GAS7: variants seen among roughly 807,000 people sequenced by gnomAD.
GAS7 encodes the protein growth arrest-specific protein 7.
GAS7 carries 28 observed loss-of-function variants against 71.1 expected under a neutral mutation model. The observed-to-expected ratio is 0.39, with a 90% CI of 0.29 to 0.54. The LOEUF (loss-of-function observed/expected upper bound fraction) is 0.54. Among genes scored for constraint, GAS7 ranks in the 20% least tolerant of loss-of-function variants. The pLI is 0.62. For missense variants in GAS7, 436 were observed against 627.8 expected (o/e 0.69, Z 3.27); for synonymous variants, 258 against 245.8 (o/e 1.05, Z -0.46).
At chr17:10,038,055 T>TAA (rs201343182) in intron 1 of GAS7, among the ~76,000 whole-genome samples, 61 of 144,834 alleles carry the variant, frequency 4.2e-4, no homozygotes, top group African/African-American at 1.5e-3. Flanking sequence ...GACAGGTTCT[T>TAA]AAAAAAAAAA....
rs1339912414 is a variant in GAS7 at position 9,959,310 on chromosome 17, T to A, written c.472-55A>T. Reference sequence around the variant, plus strand: ...AGCTGTTCTCCATATTGGACATTTTTTCCCCCCATTCAGGTTCCCTGAGGG... The same window carrying A: ...AGCTGTTCTCCATATTGGACATTTTATCCCCCCATTCAGGTTCCCTGAGGG... On this transcript the variant is annotated intron_variant, in intron 4 of 13. Coordinates refer to ENST00000432992, the MANE Select transcript of GAS7 (RefSeq NM_201433.2). This position sits in a 1 kb window ranked among gnomAD's most constrained non-coding sequence, Gnocchi z 5.0. 6.2e-7 allele frequency: 1 copy of A among 1,612,460 alleles called. No homozygotes were observed. Among genetic ancestry groups the A allele is most frequent in the Admixed American group, 1.7e-5 (1 of 59,830 alleles).
chr17:10,028,739 G>A (rs566522075), intron 1 of GAS7, among the ~76,000 whole-genome samples: 28 of 151,936 alleles, frequency 1.8e-4, no homozygotes, highest in African/African-American at 6.5e-4. Flanking sequence ...AAAATTATAG[G>A]GAAGTTTGAA....
chr17:10,195,282 T>A (rs987022503), intron 1 of GAS7, among the ~76,000 whole-genome samples: 3 of 152,152 alleles, frequency 2.0e-5, no homozygotes, highest in African/African-American at 7.2e-5. Context: ...CTCTTGGAGT[T>A]AGCTCCCAAC....
chr17:10,152,961 G>T (rs1251951686), intron 1 of GAS7, among the ~76,000 whole-genome samples: 1 of 151,404 alleles, frequency 6.6e-6, no homozygotes, highest in African/African-American at 2.4e-5. Context: ...CACTTTGGGA[G>T]GCGGGTGGAT....
In GAS7 at chr17:10,088,256, T is replaced by TAATAATAATAAA. The variant is rs780525609; in HGVS notation, c.184-68360_184-68359insTTTATTATTATT. Among the ~76,000 whole-genome samples, 414 of 144,548 alleles carry TAATAATAATAAA rather than the reference T, an allele frequency of 2.9e-3. 1 individual carries two copies. Among genetic ancestry groups the TAATAATAATAAA allele is most frequent in the African/African-American group, 9.6e-3 (373 of 38,980 alleles). 94.8% of individuals were successfully genotyped at this position (144,548 alleles called of 152,430 possible). On this transcript the variant is annotated intron_variant, in intron 1 of 13. Coordinates refer to ENST00000432992, the MANE Select transcript of GAS7 (RefSeq NM_201433.2). ...ATAATAATAATAATAATAATAATAA[T>TAATAATAATAAA]AAATATGTATATATGCATAAGGAGT... is the stretch of plus-strand genomic sequence containing the variant.
At chr17:10,064,615 A>G (rs1210423273) in intron 1 of GAS7, among the ~76,000 whole-genome samples, 1 of 152,224 alleles carries the variant, frequency 6.6e-6, no homozygotes, top group Admixed American at 6.5e-5. Context: ...TTACTATGAC[A>G]AGATGCAAGC....
intron 1 of GAS7, among the ~76,000 whole-genome samples, chr17:10,192,306 G>A (rs990148768): frequency 2.6e-5 from 4 of 152,214 alleles, no homozygotes; most frequent in African/African-American, 9.6e-5. Flanking sequence ...CTGACATTTT[G>A]TTAGAAAGCC....
chr17:9,958,013 A>G (rs2069318866), intron 5 of GAS7, among the ~76,000 whole-genome samples: 1 of 152,032 alleles, frequency 6.6e-6, no homozygotes, highest in African/African-American at 2.4e-5. Context: ...TGCACAGAGC[A>G]CTTACTATAT....
At chr17:9,984,564 G>C (rs1375047803) in intron 2 of GAS7, among the ~76,000 whole-genome samples, 19 of 152,204 alleles carry the variant, frequency 1.2e-4, no homozygotes, top group Admixed American at 9.2e-4. Context: ...GCTGGCAAGA[G>C]CAGGAAGCCT....
intron 5 of GAS7, among the ~76,000 whole-genome samples, chr17:9,958,341 ATTG>A (rs2069332618): frequency 6.6e-6 from 1 of 152,212 alleles, no homozygotes; most frequent in Non-Finnish European, 1.5e-5. Flanking sequence ...AGCAATTGTT[ATTG>A]TTAATTGTTT....
intron 1 of GAS7, among the ~76,000 whole-genome samples, chr17:10,159,390 T>C (rs1223376375): frequency 6.6e-6 from 1 of 151,954 alleles, no homozygotes; most frequent in Non-Finnish European, 1.5e-5. Flanking sequence ...CATAATAGTA[T>C]GAAAGAACCC....
chr17:10,118,745 G>C (rs1011537476), intron 1 of GAS7, among the ~76,000 whole-genome samples: 3 of 150,400 alleles, frequency 2.0e-5, no homozygotes, highest in African/African-American at 7.4e-5. Context: ...GTATCTCTGG[G>C]CTGTCTTAAC....
At chr17:10,031,439 T>C (rs1284367654) in intron 1 of GAS7, among the ~76,000 whole-genome samples, 40 of 152,136 alleles carry the variant, frequency 2.6e-4, no homozygotes, top group Admixed American at 2.6e-3. Flanking sequence ...GGGACAAGGA[T>C]TGATGAAAAG....
intron 1 of GAS7, among the ~76,000 whole-genome samples, chr17:10,169,943 T>C (rs1484183491): frequency 6.6e-6 from 1 of 152,034 alleles, no homozygotes; most frequent in African/African-American, 2.4e-5. Flanking sequence ...ACCAGCTCCT[T>C]CCTCCCATTT....
At chr17:9,992,400 A>C (rs1203844994) in intron 2 of GAS7, among the ~76,000 whole-genome samples, 1 of 152,036 alleles carries the variant, frequency 6.6e-6, no homozygotes, top group African/African-American at 2.4e-5. Context: ...TCTTTCTAGA[A>C]TAGGTGAAGA....
chr17:10,176,079 G>A (rs1379328299), intron 1 of GAS7, among the ~76,000 whole-genome samples: 1 of 152,208 alleles, frequency 6.6e-6, no homozygotes, highest in Non-Finnish European at 1.5e-5. Context: ...ATATCCCAGG[G>A]TTGAGAACAC....
intron 1 of GAS7, among the ~76,000 whole-genome samples, chr17:10,160,826 C>G (rs187905522): frequency 4.6e-5 from 7 of 152,222 alleles, no homozygotes; most frequent in Admixed American, 4.6e-4. Flanking sequence ...AGCAATCCTC[C>G]TACCTCAGCC....
In GAS7 at chr17:9,959,744, C is replaced by T. The variant is rs749451812; in HGVS notation, c.472-489G>A. On this transcript the variant is annotated intron_variant, in intron 4 of 13. Coordinates refer to ENST00000432992, the MANE Select transcript of GAS7 (RefSeq NM_201433.2). The surrounding 1 kb of genome is among the most constrained non-coding windows in gnomAD (Gnocchi z 5.0). ...ACACAATGTGCACTGGGGCGCTGCT[C>T]GGTCACCTCCCTGACTCCCCGCTCC... is the stretch of plus-strand genomic sequence containing the variant. Among the ~76,000 whole-genome samples, 5 of 152,132 alleles carry T rather than the reference C, an allele frequency of 3.3e-5. No homozygotes were observed. The highest frequency in any genetic ancestry group is 4.1e-4 in the South Asian group (2 of 4,830).
intron 11 of GAS7, among the ~76,000 whole-genome samples, chr17:9,920,510 G>C (rs149398592): frequency 2.6e-5 from 4 of 152,196 alleles, no homozygotes; most frequent in African/African-American, 9.7e-5. Flanking sequence ...ATTACTAAGC[G>C]TACCAGCACC....
Sources: allele counts gnomAD v4.1 joint callset (sites outside exome capture counted in the v4.1 genomes callset), GRCh38; gene constraint gnomAD v4.1.1; non-coding constraint Gnocchi (gnomAD v3.1); transcripts MANE v1.5; gene names NCBI Gene and HGNC (gene_info 2026-07-23, HGNC 2026-07-21).